DNMT3A: variants seen among roughly 807,000 people sequenced by gnomAD.
DNMT3A encodes DNA methyltransferase 3 alpha, also known as DNA (cytosine-5)-methyltransferase 3A.
In DNMT3A, 267 loss-of-function variants were observed where a neutral mutation model predicts 117.6. The observed-to-expected ratio is 2.27, with a 90% confidence interval of 2.05 to 2.51. The LOEUF (loss-of-function observed/expected upper bound fraction) is 2.51. Among genes scored for constraint, DNMT3A ranks in the 30% most tolerant of loss-of-function variants. The pLI, the probability that DNMT3A is intolerant of heterozygous loss-of-function variation, is 0.00. For synonymous variants in DNMT3A, 432 were observed against 474.8 expected, an observed-to-expected ratio of 0.91 and a Z score of 1.17; for missense variants, 1,029 against 1,260.2, an observed-to-expected ratio of 0.82 and a Z score of 2.78.
At position 25,281,133 on chromosome 2, in the gene DNMT3A, T is replaced by C. The variant is rs1247697664; in HGVS notation, c.448+1308A>G. 1.3e-5 allele frequency among the ~76,000 whole-genome samples: 2 copies of C among 152,134 alleles called. No homozygotes were observed. The highest frequency in any genetic ancestry group is 2.9e-5 in the Non-Finnish European group (2 of 68,034). On this transcript the variant is annotated intron_variant, in intron 4 of 22. Coordinates refer to ENST00000321117, the MANE Select transcript of DNMT3A (RefSeq NM_022552.5). The surrounding 1 kb of genome is among the most constrained non-coding windows in gnomAD (Gnocchi z 4.8). ...CCCACTCTCGGGAAGTATCAGAATA[T>C]GTGCAAGAGGCCTAGACAATTCAGG...
At position 25,233,165 on chromosome 2, in the gene DNMT3A, T is replaced by C. The variant is rs1359500411; in HGVS notation, c.*1114A>G. 2.1e-5 allele frequency: 5 copies of C among 233,696 alleles called. No homozygotes were observed. Among genetic ancestry groups the C allele is most frequent in the Non-Finnish European group, 3.4e-5 (4 of 118,046 alleles). The allele number at this position is 233,696 out of a possible 1,614,324, so 14.5% of individuals were successfully genotyped here. A position where few individuals can be genotyped will look rare whatever the true frequency, so the allele number is the denominator to read the frequency against. On this transcript the variant is annotated 3_prime_UTR_variant, in exon 23 of 23. Transcript: ENST00000321117. ...CTTTTAGAAAACAATCAAAGGGTTA[T>C]TGCATGAGTCTGGATGAATCCCACT...
chr2:25,240,760 T>C (rs1558660429), intron 17 of DNMT3A, 30 bp from the exon 18 acceptor site: 1 of 1,603,738 alleles, frequency 6.2e-7, no homozygotes, highest in South Asian at 1.1e-5. Context: ...GTGATGGGCC[T>C]GCTGTCCAGG....
chr2:25,336,493 A>G (rs1187606736), intron 1 of DNMT3A, among the ~76,000 whole-genome samples: 3 of 152,002 alleles, frequency 2.0e-5, no homozygotes, highest in African/African-American at 7.3e-5. Context: ...TAATCGTCAC[A>G]ACCCCCTGGG....
rs116685035 is a variant in DNMT3A, at chr2:25,238,356, C to T, written c.2408+774G>A. Among the ~76,000 whole-genome samples the T allele has an allele frequency of 2.8e-3, 421 of 152,184 alleles. 1 individual carries two copies. The highest frequency in any genetic ancestry group is 9.8e-3 in the African/African-American group (407 of 41,520). ...AATAGCAAGGAGGGAGATTATTTGA[C>T]CGAGGCCAGGTGAAATGATGTCTCC... On this transcript the variant is annotated intron_variant, in intron 20 of 22. Coordinates refer to ENST00000321117, the MANE Select transcript of DNMT3A (RefSeq NM_022552.5).
At position 25,257,592 on chromosome 2, in the gene DNMT3A, T is replaced by C. The variant is rs982458109; in HGVS notation, c.640-9340A>G. On this transcript the variant is annotated intron_variant, in intron 6 of 22. Coordinates refer to ENST00000321117, the MANE Select transcript of DNMT3A (RefSeq NM_022552.5). This position sits in a 1 kb window ranked among gnomAD's most constrained non-coding sequence, Gnocchi z 4.8. ...CTGTAAGGGGCTCTCCAGAAGCTCC[T>C]GGAAGCCCGGAGAGGCCAGTCAATC... Among the ~76,000 whole-genome samples, 1 of 152,192 alleles carries C rather than the reference T, an allele frequency of 6.6e-6. No individual in the cohort carries two copies. The highest frequency in any genetic ancestry group is 1.5e-5 in the Non-Finnish European group (1 of 68,022).
intron 3 of DNMT3A, among the ~76,000 whole-genome samples, chr2:25,288,597 A>C (rs2149388736): frequency 6.6e-6 from 1 of 152,300 alleles, no homozygotes; most frequent in Admixed American, 6.5e-5. Context: ...GGCGTAAGCC[A>C]CTGTGCCCGG....
chr2:25,280,320 G>A (rs1380420640), intron 4 of DNMT3A, among the ~76,000 whole-genome samples: 91 of 28,340 alleles, frequency 3.2e-3, no homozygotes, highest in South Asian at 0.016. Flanking sequence ...CCGCCTCCCC[G>A]CCCCCCCACC....
intron 22 of DNMT3A, among the ~76,000 whole-genome samples, chr2:25,235,374 G>A (rs1202122965): frequency 2.0e-5 from 3 of 152,148 alleles, no homozygotes; most frequent in African/African-American, 7.2e-5. Context: ...TAGTAGAGAC[G>A]GGGTTTCGCC....
chr2:25,309,504 C>G (rs2033965860), intron 2 of DNMT3A, among the ~76,000 whole-genome samples: 1 of 152,166 alleles, frequency 6.6e-6, no homozygotes, highest in South Asian at 2.1e-4. Flanking sequence ...AAGGCTTTCT[C>G]CTGCAGCAAA....
intron 1 of DNMT3A, chr2:25,328,663 A>G (rs938368115): frequency 1.9e-6 from 1 of 522,708 alleles, no homozygotes. Flanking sequence ...AGTCACTCCC[A>G]GGCAGCTGCA....
chr2:25,338,636 G>T (rs1328135087), intron 1 of DNMT3A, among the ~76,000 whole-genome samples: 1 of 152,148 alleles, frequency 6.6e-6, no homozygotes, highest in East Asian at 1.9e-4. Context: ...TTGTCCAATG[G>T]GGACCCAGGG....
chr2:25,310,509 C>T (rs1371982973), intron 2 of DNMT3A, among the ~76,000 whole-genome samples: 1 of 152,164 alleles, frequency 6.6e-6, no homozygotes, highest in African/African-American at 2.4e-5. Flanking sequence ...GGGACACACA[C>T]AGGCCACTCT....
intron 13 of DNMT3A, 90 bp from the exon 14 acceptor site, chr2:25,244,742 C>A: frequency 8.9e-7 from 1 of 1,125,072 alleles, no homozygotes; most frequent in Non-Finnish European, 1.3e-6. Context: ...CCTCACAGAG[C>A]CTAAGCCCTG....
chr2:25,241,826 CT>C, intron 16 of DNMT3A, 119 bp from the exon 17 acceptor site: 1 of 1,342,580 alleles, frequency 7.4e-7, no homozygotes, highest in Non-Finnish European at 1.0e-6. Flanking sequence ...CAAGTCCTAT[CT>C]TTTCCCTGAA....
chr2:25,287,647 C>T (rs951659595), intron 3 of DNMT3A, among the ~76,000 whole-genome samples: 3 of 151,962 alleles, frequency 2.0e-5, no homozygotes, highest in Non-Finnish European at 4.4e-5. Context: ...ACATTTTTGG[C>T]TGCCACAAGG....
chr2:25,284,645 T>TGAAAAAAAAAAA (rs1287436463), intron 3 of DNMT3A, among the ~76,000 whole-genome samples: 1 of 16,632 alleles, frequency 6.0e-5, no homozygotes, highest in Non-Finnish European at 9.7e-5. Context: ...AGACTCCATC[T>TGAAAAAAAAAAA]AAAAAAAAAA....
At position 25,287,029 on chromosome 2, in the gene DNMT3A, C is replaced by T. The variant is rs114160546; in HGVS notation, c.178-4318G>A. On this transcript the variant is annotated intron_variant, in intron 3 of 22. Transcript: ENST00000321117. ...GCTCAGACAATATTCACAATTGATT[C>T]GTGAATGGCAAAGACGAGGCTAAAA... Among the ~76,000 whole-genome samples the T allele has an allele frequency of 1.9e-3, 283 of 152,292 alleles. 2 individuals carry two copies. Among genetic ancestry groups the T allele is most frequent in the African/African-American group, 5.8e-3 (242 of 41,556 alleles).
chr2:25,253,517 C>T (rs146389485), intron 6 of DNMT3A, among the ~76,000 whole-genome samples: 1 of 152,046 alleles, frequency 6.6e-6, no homozygotes, highest in African/African-American at 2.4e-5. Context: ...CAAGAGCTGC[C>T]GGGCTGGGGA....
rs1474159281 is a variant in DNMT3A, at chr2:25,250,969, A to T, written c.640-2717T>A. 7.2e-5 allele frequency among the ~76,000 whole-genome samples: 11 copies of T among 152,262 alleles called. No individual in the cohort carries two copies. The South Asian group carries it at 2.3e-3, about 32-fold the overall frequency. On this transcript the variant is annotated intron_variant, in intron 6 of 22. Transcript: ENST00000321117. The stretch of plus-strand genomic sequence containing the variant: ...GGCCCCTTTGTCTCTCAGCCCCTTC[A>T]CAGCGAGTTCCTGAACATTCTTCTT...
Sources: gnomAD v4.1 joint callset for allele counts (sites outside exome capture counted in the v4.1 genomes callset) on GRCh38, gnomAD v4.1.1 for gene constraint, Gnocchi (gnomAD v3.1) non-coding constraint, MANE v1.5 for transcripts, NCBI Gene and HGNC (gene_info 2026-07-23, HGNC 2026-07-21) for gene names.